Variants in ATAD2B observed in about 807,000 individuals in gnomAD.
The protein encoded by ATAD2B is ATPase family AAA domain containing 2B.
Under a neutral mutation model 167.6 loss-of-function variants are expected in ATAD2B, and 40 were observed. The ratio of observed to expected loss-of-function variants is 0.24; its 90% CI spans 0.19 to 0.31. The LOEUF (loss-of-function observed/expected upper bound fraction) is 0.31. Ranked by LOEUF, ATAD2B falls within the 10% of genes least tolerant of loss-of-function variation. The pLI is 1.00. For synonymous variants in ATAD2B, 579 were observed against 596.5 expected, an observed-to-expected ratio of 0.97 and a Z score of 0.43; for missense variants, 1,242 against 1,757.2, an observed-to-expected ratio of 0.71 and a Z score of 5.24.
At chr2:23,912,340 C>T (rs1702432135) in intron 1 of ATAD2B, among the ~76,000 whole-genome samples, 1 of 151,186 alleles carries the variant, frequency 6.6e-6, no homozygotes. Context: ...CCCTTTCTAA[C>T]AAAAAAAAAT....
At chr2:23,693,762 T>C in the ATAD2B span, among the ~76,000 whole-genome samples, 1 of 152,318 alleles carries the variant, frequency 6.6e-6, no homozygotes, top group African/African-American at 2.4e-5. Context: ...ACCTGCACTC[T>C]GCAGGGAGAA....
chr2:23,894,602 T>G (rs1699952700), intron 2 of ATAD2B, among the ~76,000 whole-genome samples: 1 of 152,128 alleles, frequency 6.6e-6, no homozygotes, highest in Non-Finnish European at 1.5e-5. Flanking sequence ...AAAGCCCAAT[T>G]TTAACACTAA....
At chr2:23,819,610 T>G in intron 17 of ATAD2B, 137 bp downstream of exon 17, 1 of 657,952 alleles carries the variant, frequency 1.5e-6, no homozygotes, top group Non-Finnish European at 2.2e-6. Context: ...ATAGTAAAAG[T>G]TTTCCAGAAT....
In ATAD2B at chr2:23,810,506, T is replaced by TA. The variant is rs776553677; in HGVS notation, c.2268-5dup. The TA allele has an allele frequency of 2.6e-4, 421 of 1,609,974 alleles. No individual in the cohort carries two copies. The highest frequency in any genetic ancestry group is 1.5e-4 in the Non-Finnish European group (171 of 1,176,670). On this transcript the variant is annotated splice_polypyrimidine_tract_variant and splice_region_variant and intron_variant, in intron 17 of 27. Transcript: ENST00000238789. ...GGTTGGCTGATGATATGGTGACCTG[T>TA]AATACATGTAAGACATAATTATTTC... is the stretch of plus-strand genomic sequence containing the variant.
the ATAD2B span, among the ~76,000 whole-genome samples, chr2:23,715,737 C>CA: frequency 0.45 from 68,986 of 151,974 alleles, 16,885 homozygotes; most frequent in East Asian, 0.79. Context: ...GAAGCTCAAA[C>CA]ACTGTGGAAA....
intron 6 of ATAD2B, among the ~76,000 whole-genome samples, chr2:23,884,145 A>G (rs1388454631): frequency 6.7e-6 from 1 of 149,334 alleles, no homozygotes; most frequent in Non-Finnish European, 1.5e-5. Context: ...ACTCTGTCTC[A>G]AAAAAAAAAG....
Position 23,795,507 on chromosome 2 carries a change from T to C in ATAD2B, c.2640+2631A>G, listed in dbSNP as rs534362456. 2.6e-5 allele frequency among the ~76,000 whole-genome samples: 4 copies of C among 152,272 alleles called. No homozygotes were observed. In the East Asian group the frequency reaches 7.7e-4, roughly 29 times the overall value. The stretch of plus-strand genomic sequence containing the variant: ...CCTACAGCTACTTGGTCTACAACTC[T>C]CTGTGCTACTCATTCATTCACCAAA... On this transcript the variant is annotated intron_variant, in intron 19 of 27. Coordinates refer to ENST00000238789, the MANE Select transcript of ATAD2B (RefSeq NM_017552.4).
the ATAD2B span, chr2:23,690,335 A>G: frequency 6.6e-6 from 1 of 152,144 alleles, no homozygotes; most frequent in Non-Finnish European, 1.5e-5. Context: ...CCGGGAGACC[A>G]AGGCTGCCCA....
chr2:23,832,103 G>A (rs1377299162), intron 14 of ATAD2B: 1 of 374,920 alleles, frequency 2.7e-6, no homozygotes, highest in African/African-American at 2.1e-5. Flanking sequence ...GTGCTTAGCT[G>A]AATGGACTTA....
chr2:23,788,643 T>G lies in ATAD2B; in HGVS notation c.2645A>C (p.Lys882Thr). The G allele has an allele frequency of 6.3e-7, 1 of 1,588,818 alleles. No homozygotes were observed. The highest frequency in any genetic ancestry group is 2.2e-5 in the East Asian group (1 of 44,722). Residue 882 changes from lysine (K) to threonine (T), a missense_variant, in exon 20 of 28, where the codon AAA becomes ACA. Physicochemically the swap from Lys to Thr is moderately conservative, Grantham distance 78. Transcript: ENST00000238789. ...TMYSELPEEVKCIFRIQYEEV... is the reference protein window; with the variant it reads ...TMYSELPEEVTCIFRIQYEEV... ...TTCATACTGTATTCTAAAGATACAT[T>G]TAACCTACACATATACACACACACA...
chr2:23,790,870 TA>T (rs1681578270), intron 19 of ATAD2B, among the ~76,000 whole-genome samples: 1 of 152,210 alleles, frequency 6.6e-6, no homozygotes, highest in Non-Finnish European at 1.5e-5. Flanking sequence ...TAATGTTCAG[TA>T]AATTTTTACA....
chr2:23,826,955 A>C (rs1688348388), intron 15 of ATAD2B, among the ~76,000 whole-genome samples: 1 of 152,068 alleles, frequency 6.6e-6, no homozygotes, highest in African/African-American at 2.4e-5. Context: ...TGTTCATCAT[A>C]CTCTATGAGG....
At chr2:23,734,360 A>G in the ATAD2B span, among the ~76,000 whole-genome samples, 1 of 152,140 alleles carries the variant, frequency 6.6e-6, no homozygotes, top group Non-Finnish European at 1.5e-5. Context: ...GGGTTTTACC[A>G]TGTTGCCCAG....
chr2:23,874,973 G>A (rs144301463), intron 8 of ATAD2B, among the ~76,000 whole-genome samples: 57 of 148,478 alleles, frequency 3.8e-4, no homozygotes, highest in African/African-American at 7.2e-4. Context: ...GGAGAATGGC[G>A]TGAACCCAGG....
At chr2:23,732,198 A>G in the ATAD2B span, among the ~76,000 whole-genome samples, 17 of 152,218 alleles carry the variant, frequency 1.1e-4, no homozygotes, top group Non-Finnish European at 1.6e-4. Context: ...TAGGGATTCA[A>G]TTGGCAAAAT....
Position 23,754,240 on chromosome 2 carries a change from G to T in ATAD2B, c.4274C>A (p.Ser1425Tyr), listed in dbSNP as rs1234314445. ...LAVDQLERLYSLLSQCIYRHR... is the reference protein window; with the variant it reads ...LAVDQLERLYYLLSQCIYRHR... ...ACGGTAGATACACTGACTAAGAAGAGAATATAATCTCTCAAGCTGATCAAC... is the reference window on the plus strand; with the variant it reads ...ACGGTAGATACACTGACTAAGAAGATAATATAATCTCTCAAGCTGATCAAC... Residue 1425 changes from serine (S) to tyrosine (Y), a missense_variant, in exon 27 of 28, where the codon TCT becomes TAT. By Grantham distance (144) the Ser-to-Tyr change is moderately radical. Transcript: ENST00000238789. 3 of 1,564,676 alleles carry T rather than the reference G, an allele frequency of 1.9e-6. No individual in the cohort carries two copies. The Admixed American group carries it at 5.7e-5, about 30-fold the overall frequency.
At position 23,887,601 on chromosome 2, in the gene ATAD2B, C is replaced by T. The variant is rs554751456; in HGVS notation, c.572+231G>A. Reference sequence around the variant, plus strand: ...AAGAGTAAAGTTTTACAGATGCAGACGTTGAACGGATAGTCAGCTCACTGA... The same window carrying T: ...AAGAGTAAAGTTTTACAGATGCAGATGTTGAACGGATAGTCAGCTCACTGA... On this transcript the variant is annotated intron_variant, in intron 4 of 27. Coordinates refer to ENST00000238789, the MANE Select transcript of ATAD2B (RefSeq NM_017552.4). 5.9e-5 allele frequency among the ~76,000 whole-genome samples: 9 copies of T among 152,218 alleles called. No individual in the cohort carries two copies. The East Asian group carries it at 9.6e-4, about 16-fold the overall frequency.
chr2:23,913,268 TAGAC>T (rs1430844215), intron 1 of ATAD2B, among the ~76,000 whole-genome samples: 7 of 152,216 alleles, frequency 4.6e-5, no homozygotes, highest in South Asian at 2.1e-4. Flanking sequence ...TCCATGCTGT[TAGAC>T]AGGCTAACAA....
At chr2:23,899,176 G>C (rs1224160632) in intron 1 of ATAD2B, among the ~76,000 whole-genome samples, 1 of 152,030 alleles carries the variant, frequency 6.6e-6, no homozygotes, top group Non-Finnish European at 1.5e-5. Context: ...GTTGGGCATA[G>C]TGGTATGCAC....
Sources: allele counts gnomAD v4.1 joint callset (sites outside exome capture counted in the v4.1 genomes callset), GRCh38; gene constraint gnomAD v4.1.1; transcripts MANE v1.5; gene names NCBI Gene and HGNC (gene_info 2026-07-23, HGNC 2026-07-21).